Variants in TNR observed in about 807,000 individuals in gnomAD.
The protein encoded by TNR is tenascin R.
TNR carries 45 observed loss-of-function variants against 150.4 expected under a neutral mutation model. The ratio of observed to expected loss-of-function variants is 0.30; its 90% confidence interval spans 0.24 to 0.38. TNR has a LOEUF of 0.38. TNR is among the 10% of genes least tolerant of loss of function. The probability of loss-of-function intolerance (pLI) is 1.00; values close to 1 mark genes in which losing one functional copy is unlikely to be tolerated. For synonymous variants in TNR, 687 were observed against 678.4 expected (o/e 1.01, Z -0.20); for missense variants, 1,544 against 1,759.1 (o/e 0.88, Z 2.19).
At chr1:175,459,122 C>T (rs1656704335) in intron 2 of TNR, among the ~76,000 whole-genome samples, 1 of 151,306 alleles carries the variant, frequency 6.6e-6, no homozygotes, top group Non-Finnish European at 1.5e-5. Context: ...CATCACCATC[C>T]CTTCTGCCAT....
Position 175,634,387 on chromosome 1 carries a change from A to G in TNR, c.-164-106018T>C, listed in dbSNP as rs117268752. Among the ~76,000 whole-genome samples, 159 of 152,268 alleles carry G rather than the reference A, an allele frequency of 1.0e-3. No individual in the cohort carries two copies. In the East Asian group the frequency reaches 0.024, roughly 23 times the overall value. On this transcript the variant is annotated intron_variant, in intron 1 of 22. Transcript: ENST00000367674. ...CTTGCCCTCTGTCTCACCTGTGGAT[A>G]ACTCTGCCTTGTGTGTGGAGCCATC... is the stretch of plus-strand genomic sequence containing the variant.
intron 2 of TNR, among the ~76,000 whole-genome samples, chr1:175,444,272 TTAAATAGCCTCTTGATTTCGTGACCGAG>T (rs1479049399): frequency 6.6e-6 from 1 of 152,162 alleles, no homozygotes; most frequent in African/African-American, 2.4e-5. Context: ...AGGATGGGTT[TTAAATAGCCTCTTGATTTCGTGACCGAG>T]AAATCTAAGA....
intron 1 of TNR, among the ~76,000 whole-genome samples, chr1:175,584,913 G>C (rs1662506859): frequency 1.3e-5 from 2 of 152,142 alleles, no homozygotes; most frequent in African/African-American, 4.8e-5. Context: ...GTCAAGGAAG[G>C]GCTCCAATTT....
rs1163192193 is a variant in TNR at position 175,599,507 on chromosome 1, C to G, written c.-164-71138G>C. Among the ~76,000 whole-genome samples, 1 of 152,250 alleles carries G rather than the reference C, an allele frequency of 6.6e-6. No homozygotes were observed. Among genetic ancestry groups the G allele is most frequent in the African/African-American group, 2.4e-5 (1 of 41,470 alleles). On this transcript the variant is annotated intron_variant, in intron 1 of 22. Transcript: ENST00000367674. The surrounding 1 kb of genome is among the most constrained non-coding windows in gnomAD (Gnocchi z 4.7). ...CGCCGCCGAGTGACGGAGTAATTCG[C>G]AGATGCCACCGAGCGGTGGGGCGGC...
Position 175,393,846 on chromosome 1 carries a change from G to A in TNR, c.1290C>T (p.Thr430=). The A allele has an allele frequency of 1.9e-6, 3 of 1,614,212 alleles. No individual in the cohort carries two copies. The highest frequency in any genetic ancestry group is 1.1e-5 in the South Asian group (1 of 91,084). The change falls in exon 6 of 23, where the codon ACC becomes ACT. Residue 430 remains threonine (T), a synonymous_variant. Coordinates refer to ENST00000367674, the MANE Select transcript of TNR (RefSeq NM_003285.3). ...GLQFKTITET[T]VEVQWEPFSF... Reference sequence around the variant, plus strand: ...AGAAGGGCTCCCACTGCACCTCCACGGTGGTCTCTGTGATCGTCTTAAATT... The same window carrying A: ...AGAAGGGCTCCCACTGCACCTCCACAGTGGTCTCTGTGATCGTCTTAAATT...
intron 2 of TNR, among the ~76,000 whole-genome samples, chr1:175,494,540 G>A (rs577228966): frequency 1.4e-4 from 22 of 152,330 alleles, no homozygotes; most frequent in African/African-American, 4.8e-4. Flanking sequence ...TTGTAGGGCA[G>A]TCACTGACAG....
In TNR at chr1:175,671,911, C is replaced by CTGTGTGTGTGTGTGTGTGTG. The variant is rs35804880; in HGVS notation, c.-165+71295_-165+71314dup. The stretch of plus-strand genomic sequence containing the variant: ...TCCAAGGGAGTCTTATGAGCTGTAC[C>CTGTGTGTGTGTGTGTGTGTG]TGTGTGTGTGTGTGTGTGTGTGTGT... On this transcript the variant is annotated intron_variant, in intron 1 of 22. Coordinates refer to ENST00000367674, the MANE Select transcript of TNR (RefSeq NM_003285.3). Among the ~76,000 whole-genome samples the CTGTGTGTGTGTGTGTGTGTG allele has an allele frequency of 2.0e-3, 289 of 142,126 alleles. 1 individual carries two copies. The highest frequency in any genetic ancestry group is 7.0e-3 in the African/African-American group (262 of 37,668). The allele number at this position is 142,126 out of a possible 152,430, so 93.2% of individuals were successfully genotyped here. A position where few individuals can be genotyped will look rare whatever the true frequency, so the allele number is the denominator to read the frequency against.
At chr1:175,489,874 G>A (rs937402816) in intron 2 of TNR, among the ~76,000 whole-genome samples, 1 of 151,952 alleles carries the variant, frequency 6.6e-6, no homozygotes, top group Non-Finnish European at 1.5e-5. Context: ...TGTTATATAG[G>A]TTTTTTATGA....
In TNR at chr1:175,599,624, G is replaced by A. The variant is rs1663154751; in HGVS notation, c.-164-71255C>T. On this transcript the variant is annotated intron_variant, in intron 1 of 22. Coordinates refer to ENST00000367674, the MANE Select transcript of TNR (RefSeq NM_003285.3). This position sits in a 1 kb window ranked among gnomAD's most constrained non-coding sequence, Gnocchi z 4.7. ...GGCAGCCCGGAGCAGCGTCGCCCCA[G>A]CAGGCTTATGCGGACCTGGCTAACT... is the stretch of plus-strand genomic sequence containing the variant. Among the ~76,000 whole-genome samples, 1 of 152,194 alleles carries A rather than the reference G, an allele frequency of 6.6e-6. No homozygotes were observed. Among genetic ancestry groups the A allele is most frequent in the African/African-American group, 2.4e-5 (1 of 41,456 alleles).
At chr1:175,687,610 A>C (rs1666242942) in intron 1 of TNR, among the ~76,000 whole-genome samples, 1 of 152,188 alleles carries the variant, frequency 6.6e-6, no homozygotes, top group South Asian at 2.1e-4. Flanking sequence ...GAAATGAAGA[A>C]GAGAGGTGGT....
chr1:175,648,633 T>C (rs1023241981), intron 1 of TNR, among the ~76,000 whole-genome samples: 9 of 152,286 alleles, frequency 5.9e-5, no homozygotes, highest in Non-Finnish European at 1.2e-4. Flanking sequence ...CCTGTTCGGC[T>C]TTCCTTCCCT....
At chr1:175,439,516 C>T (rs1241686547) in intron 2 of TNR, among the ~76,000 whole-genome samples, 17 of 151,946 alleles carry the variant, frequency 1.1e-4, no homozygotes, top group South Asian at 4.2e-4. Flanking sequence ...AAAGCCAAAA[C>T]TGACAAATGG....
intron 1 of TNR, among the ~76,000 whole-genome samples, chr1:175,532,921 C>T (rs1236432981): frequency 2.0e-5 from 3 of 152,040 alleles, no homozygotes; most frequent in African/African-American, 7.2e-5. Flanking sequence ...TCTTATAAGA[C>T]TAAGCTCACC....
chr1:175,524,245 T>A (rs530055620), intron 2 of TNR, among the ~76,000 whole-genome samples: 3 of 152,076 alleles, frequency 2.0e-5, no homozygotes, highest in Admixed American at 1.3e-4. Context: ...ACCTAGTATA[T>A]GCTACATGCA....
At position 175,385,619 on chromosome 1, in the gene TNR, A is replaced by G. The variant is rs542959280; in HGVS notation, c.1777+413T>C. On this transcript the variant is annotated intron_variant, in intron 8 of 22. Transcript: ENST00000367674. ...GTCATCGTAGGTTTATAGAATTATT[A>G]TGATAATTTCCAGCAAATGGTAAGA... 3.0e-4 allele frequency among the ~76,000 whole-genome samples: 46 copies of G among 152,356 alleles called. No individual in the cohort carries two copies. The South Asian group carries it at 7.7e-3, about 25-fold the overall frequency.
At chr1:175,677,846 G>T (rs1301012378) in intron 1 of TNR, among the ~76,000 whole-genome samples, 1 of 152,038 alleles carries the variant, frequency 6.6e-6, no homozygotes, top group Non-Finnish European at 1.5e-5. Flanking sequence ...TTTGAAAACG[G>T]CAAAGGGCTA....
At chr1:175,741,467 GA>G (rs1327058608) in intron 1 of TNR, among the ~76,000 whole-genome samples, 1 of 152,210 alleles carries the variant, frequency 6.6e-6, no homozygotes, top group African/African-American at 2.4e-5. Context: ...GTGTCATGCA[GA>G]AATCTATCCA....
chr1:175,453,993 G>A (rs990242840), intron 2 of TNR, among the ~76,000 whole-genome samples: 1 of 152,162 alleles, frequency 6.6e-6, no homozygotes, highest in Non-Finnish European at 1.5e-5. Flanking sequence ...CAGAGATGGG[G>A]CCCTGCTGTC....
At chr1:175,448,254 G>A (rs913526217) in intron 2 of TNR, among the ~76,000 whole-genome samples, 1 of 152,114 alleles carries the variant, frequency 6.6e-6, no homozygotes, top group Non-Finnish European at 1.5e-5. Context: ...GTCTTGCTCT[G>A]TCACCCAGGC....
Sources: allele counts gnomAD v4.1 joint callset (sites outside exome capture counted in the v4.1 genomes callset), GRCh38; gene constraint gnomAD v4.1.1; non-coding constraint Gnocchi (gnomAD v3.1); transcripts MANE v1.5; gene names NCBI Gene and HGNC (gene_info 2026-07-23, HGNC 2026-07-21).